ZNF681: variants seen among roughly 807,000 people sequenced by gnomAD.
ZNF681 encodes the protein hypothetical protein FLJ31526.
ZNF681 carries 37 observed loss-of-function variants against 56.0 expected under a neutral mutation model. The ratio of observed to expected loss-of-function variants is 0.66; its 90% CI spans 0.51 to 0.87. The LOEUF is 0.87. Ranked by LOEUF, ZNF681 falls within the 40% of genes least tolerant of loss-of-function variation. ZNF681 has a pLI of 0.00. For missense variants in ZNF681, 741 were observed against 744.9 expected (o/e 0.99, Z 0.06); for synonymous variants, 225 against 248.6 (o/e 0.91, Z 0.89).
At chr19:23,748,131 G>T (rs1968972403) in intron 3 of ZNF681, among the ~76,000 whole-genome samples, 1 of 151,854 alleles carries the variant, frequency 6.6e-6, no homozygotes, top group Non-Finnish European at 1.5e-5. Context: ...GAGCATCAAA[G>T]AAAAAAGTAA....
chr19:23,743,532 A>G lies in ZNF681; in HGVS notation c.*80T>C. ...GTTTTGCCACATTCTTCACACTTGT[A>G]GGTTTTTTTTTAGTATGAATTATCT... is the stretch of plus-strand genomic sequence containing the variant. On this transcript the variant is annotated 3_prime_UTR_variant, in exon 4 of 4. Coordinates refer to ENST00000402377, the MANE Select transcript of ZNF681 (RefSeq NM_138286.3). The G allele has an allele frequency of 7.8e-7, 1 of 1,288,856 alleles. No individual in the cohort carries two copies. Among genetic ancestry groups the G allele is most frequent in the Admixed American group, 3.1e-5 (1 of 31,848 alleles). 79.8% of individuals were successfully genotyped at this position (1,288,856 alleles called of 1,614,324 possible).
At chr19:23,751,698 T>A (rs12977435) in intron 3 of ZNF681, among the ~76,000 whole-genome samples, 69,844 of 150,934 alleles carry the variant, frequency 0.46, 16,850 homozygotes, top group Non-Finnish European at 0.56. Flanking sequence ...ATTTATTTAT[T>A]TTTTTGAGAT....
rs763001279 is a variant in ZNF681 at position 23,755,558 on chromosome 19, AACACACACACACACACACACAC to A, written c.4-29_4-8del. On this transcript the variant is annotated splice_polypyrimidine_tract_variant and splice_region_variant and intron_variant, in intron 1 of 3. Transcript: ENST00000402377. ...CCCTAAATTTCAATGGTTCCTGAAA[AACACACACACACACACACACAC>A]ACACACACACACACACACATACACA... 1.8e-5 allele frequency: 23 copies of A among 1,277,442 alleles called. No homozygotes were observed. Among genetic ancestry groups the A allele is most frequent in the African/African-American group, 8.7e-5 (5 of 57,528 alleles). 79.1% of individuals were successfully genotyped at this position (1,277,442 alleles called of 1,614,324 possible).
Position 23,741,712 on chromosome 19 carries a change from G to A in ZNF681, c.*1900C>T, listed in dbSNP as rs1194192017. On this transcript the variant is annotated 3_prime_UTR_variant, in exon 4 of 4. Coordinates refer to ENST00000402377, the MANE Select transcript of ZNF681 (RefSeq NM_138286.3). Reference sequence around the variant, plus strand: ...CAGCCTGGGTGACATAGTGAGACTCGTCTCAAAAAAAAACCGAAAAGTGCA... The same window carrying A: ...CAGCCTGGGTGACATAGTGAGACTCATCTCAAAAAAAAACCGAAAAGTGCA... 6.6e-6 allele frequency: 1 copy of A among 151,396 alleles called. No individual in the cohort carries two copies. Among genetic ancestry groups the A allele is most frequent in the Admixed American group, 6.6e-5 (1 of 15,192 alleles). 9.4% of individuals were successfully genotyped at this position (151,396 alleles called of 1,614,324 possible).
chr19:23,744,414 G>A lies in ZNF681; in HGVS notation c.1136C>T (p.Ser379Leu). 6 of 1,582,718 alleles carry A rather than the reference G, an allele frequency of 3.8e-6. No individual in the cohort carries two copies. Among genetic ancestry groups the A allele is most frequent in the Non-Finnish European group, 5.2e-6 (6 of 1,161,398 alleles). ...AATTATCTTATGTGTAGTAAGGTGT[G>A]AGGACTGCCTAAAGGCTTTGCCACA... Reference protein sequence around the residue: ...EECGKAFRQSSHLTTHKIIHT... With the variant: ...EECGKAFRQSLHLTTHKIIHT... The change falls in exon 4 of 4, where the codon TCA becomes TTA. Residue 379 changes from serine to leucine, a missense_variant. Coordinates refer to ENST00000402377, the MANE Select transcript of ZNF681 (RefSeq NM_138286.3).
At chr19:23,749,451 C>CT (rs1473511812) in intron 3 of ZNF681, among the ~76,000 whole-genome samples, 6 of 152,014 alleles carry the variant, frequency 3.9e-5, no homozygotes, top group Non-Finnish European at 8.8e-5. Flanking sequence ...AAAAGTACAG[C>CT]TTTTTTCTGA....
rs906671792 is a variant in ZNF681, at chr19:23,741,354, TA to T, written c.*2257del. On this transcript the variant is annotated 3_prime_UTR_variant, in exon 4 of 4. Transcript: ENST00000402377. ...GTCTCAGAAATGTATGCATTTTGTT[TA>T]TATTGTTTTCTTATGACCATAAAAG... 27 of 152,290 alleles carry T rather than the reference TA, an allele frequency of 1.8e-4. No individual in the cohort carries two copies. The highest frequency in any genetic ancestry group is 6.3e-4 in the African/African-American group (26 of 41,570). The allele number at this position is 152,290 out of a possible 1,614,324, so 9.4% of individuals were successfully genotyped here. A position where few individuals can be genotyped will look rare whatever the true frequency, so the allele number is the denominator to read the frequency against.
Position 23,744,875 on chromosome 19 carries a change from C to A in ZNF681, c.675G>T (p.Ser225=). Residue 225 remains serine (S), a synonymous_variant, in exon 4 of 4, where the codon TCG becomes TCT. Transcript: ENST00000402377. ...KHKRIHIGEK[S]YICEECGKAC... Reference sequence around the variant, plus strand: ...CTTTGCCACATTCTTCACATATGTACGATTTCTCTCCAATATGAATTCTTT... The same window carrying A: ...CTTTGCCACATTCTTCACATATGTAAGATTTCTCTCCAATATGAATTCTTT... The A allele has an allele frequency of 1.2e-6, 2 of 1,610,968 alleles. No individual in the cohort carries two copies. Among genetic ancestry groups the A allele is most frequent in the Admixed American group, 3.3e-5 (2 of 59,732 alleles).
At chr19:23,749,510 T>C (rs1282145087) in intron 3 of ZNF681, among the ~76,000 whole-genome samples, 2 of 152,180 alleles carry the variant, frequency 1.3e-5, no homozygotes, top group East Asian at 3.9e-4. Flanking sequence ...GGCACAATTA[T>C]GGCTAAGTGT....
At chr19:23,746,322 A>C (rs79880204) in intron 3 of ZNF681, among the ~76,000 whole-genome samples, 2 of 656 alleles carry the variant, frequency 3.0e-3, no homozygotes, top group Non-Finnish European at 0.083. Flanking sequence ...TCAAAAACAA[A>C]AAAAAAAAAA....
rs1198882072 is a variant in ZNF681 at position 23,744,246 on chromosome 19, G to A, written c.1304C>T (p.Ser435Leu). ...AATATTCTTATGTTCAGTAAGGTTT[G>A]AGGATTGGTTAGAAGCTTTGCCACA... ...EKCGKASNQS[S>L]NLTEHKNIHT... The change falls in exon 4 of 4, where the codon TCA becomes TTA. Residue 435 changes from serine to leucine, a missense_variant. Coordinates refer to ENST00000402377, the MANE Select transcript of ZNF681 (RefSeq NM_138286.3). The A allele has an allele frequency of 6.2e-7, 1 of 1,613,640 alleles. No homozygotes were observed. The highest frequency in any genetic ancestry group is 8.5e-7 in the Non-Finnish European group (1 of 1,179,812).
chr19:23,754,946 A>T (rs777763659), intron 2 of ZNF681, 28 bp from the exon 3 acceptor site: 1 of 1,583,408 alleles, frequency 6.3e-7, no homozygotes, highest in Admixed American at 1.7e-5. Context: ...AATAACATAA[A>T]TCTTGCTTAT....
rs1268336954 is a variant in ZNF681 at position 23,741,873 on chromosome 19, T to G, written c.*1739A>C. The G allele has an allele frequency of 2.6e-5, 4 of 152,170 alleles. No individual in the cohort carries two copies. In the East Asian group the frequency reaches 7.7e-4, roughly 29 times the overall value. 9.4% of individuals were successfully genotyped at this position (152,170 alleles called of 1,614,324 possible). ...ATATATGCCATATTTACACATACTATGTACCCACAAAAATTAAGAAAAATA... is the reference window on the plus strand; with the variant it reads ...ATATATGCCATATTTACACATACTAGGTACCCACAAAAATTAAGAAAAATA... On this transcript the variant is annotated 3_prime_UTR_variant, in exon 4 of 4. Transcript: ENST00000402377.
In ZNF681 at chr19:23,743,876, T is replaced by A. The variant is rs1041140569; in HGVS notation, c.1674A>T (p.Gly558=). ...ATTCTTCACATTGGTAGGGTTTCTC[T>A]CCAGTATGAATTACCTTATGTGTAG... ...HLATHKVIHT[G]EKPYQCEECG... is the part of the protein sequence containing the mutation. The change falls in exon 4 of 4, where the codon GGA becomes GGT. Residue 558 remains glycine (G), a synonymous_variant. Transcript: ENST00000402377. The A allele has an allele frequency of 3.7e-6, 6 of 1,601,206 alleles. No homozygotes were observed. Among genetic ancestry groups the A allele is most frequent in the Non-Finnish European group, 5.1e-6 (6 of 1,170,752 alleles).
intron 2 of ZNF681, 21 bp downstream of exon 2, chr19:23,755,404 G>C (rs190344377): frequency 6.3e-7 from 1 of 1,599,836 alleles, no homozygotes. Context: ...AATAGGAATT[G>C]TATATTGAAG....
rs6511517 is a variant in ZNF681, at chr19:23,752,552, A to C, written c.226+2271T>G. Among the ~76,000 whole-genome samples, 3 of 152,160 alleles carry C rather than the reference A, an allele frequency of 2.0e-5. No homozygotes were observed. In the East Asian group the frequency reaches 5.8e-4, roughly 29 times the overall value. On this transcript the variant is annotated intron_variant, in intron 3 of 3. Coordinates refer to ENST00000402377, the MANE Select transcript of ZNF681 (RefSeq NM_138286.3). ...CTGACTGCAGAAACCTGCCCTAGTG[A>C]CTGCCCTACAGGTCAAAGTCTTGAG...
In ZNF681 at chr19:23,739,600, A is replaced by T. The variant is rs1013828640; in HGVS notation, c.*4012T>A. The T allele has an allele frequency of 3.9e-5, 6 of 152,208 alleles. No homozygotes were observed. Among genetic ancestry groups the T allele is most frequent in the African/African-American group, 1.4e-4 (6 of 41,446 alleles). The allele number at this position is 152,208 out of a possible 1,614,324, so 9.4% of individuals were successfully genotyped here. ...TTCACAGAATAAATGCACAATTTAT[A>T]TATTACAGACGGTATGAAAGACACT... On this transcript the variant is annotated 3_prime_UTR_variant, in exon 4 of 4. Transcript: ENST00000402377.
In ZNF681 at chr19:23,758,834, A is replaced by G. The variant is rs1160414414; in HGVS notation, c.-85T>C. 1.9e-6 allele frequency: 3 copies of G among 1,576,340 alleles called. No individual in the cohort carries two copies. Among genetic ancestry groups the G allele is most frequent in the African/African-American group, 1.4e-5 (1 of 74,060 alleles). Reference sequence around the variant, plus strand: ...AGGGCCATAGAGGCTGGGCCTCTAGAAGAAGAGGACACAGAGCAGTGAAGA... The same window carrying G: ...AGGGCCATAGAGGCTGGGCCTCTAGGAGAAGAGGACACAGAGCAGTGAAGA... On this transcript the variant is annotated 5_prime_UTR_variant, in exon 1 of 4. Coordinates refer to ENST00000402377, the MANE Select transcript of ZNF681 (RefSeq NM_138286.3).
chr19:23,758,787 A>G lies in ZNF681; in HGVS notation c.-38T>C. ...GGGGGACCTGGCGTCTTAGCTATGG[A>G]TCGCCAATACCTGCAGGTCAGAGGG... On this transcript the variant is annotated 5_prime_UTR_variant, in exon 1 of 4. Transcript: ENST00000402377. The G allele has an allele frequency of 6.2e-7, 1 of 1,614,140 alleles. No individual in the cohort carries two copies. Among genetic ancestry groups the G allele is most frequent in the Non-Finnish European group, 8.5e-7 (1 of 1,180,004 alleles).
Sources: allele counts gnomAD v4.1 joint callset (sites outside exome capture counted in the v4.1 genomes callset), GRCh38; gene constraint gnomAD v4.1.1; transcripts MANE v1.5; gene names NCBI Gene and HGNC (gene_info 2026-07-23, HGNC 2026-07-21).